Variants in CEP95 observed in about 807,000 individuals in gnomAD.
CEP95 encodes centrosomal protein 95.
A neutral mutation model predicts 111.2 loss-of-function variants in CEP95; 98 were observed. The ratio of observed to expected loss-of-function variants is 0.88; its 90% CI spans 0.75 to 1.04. The LOEUF (loss-of-function observed/expected upper bound fraction) is 1.04. Ranked by LOEUF, CEP95 falls within the 50% of genes least tolerant of loss-of-function variation. The probability of loss-of-function intolerance (pLI) is 0.00; values close to 1 mark genes in which losing one functional copy is unlikely to be tolerated. For synonymous variants in CEP95, 323 were observed against 327.1 expected (o/e 0.99, Z 0.14); for missense variants, 1,027 against 977.2 (o/e 1.05, Z -0.68).
chr17:64,529,617 TAAAA>T (rs1235426816), intron 12 of CEP95, among the ~76,000 whole-genome samples, 190 bp downstream of exon 12: 1 of 152,026 alleles, frequency 6.6e-6, no homozygotes, highest in Non-Finnish European at 1.5e-5. Flanking sequence ...ATGAAACTCT[TAAAA>T]AAAATAACCT....
At chr17:64,534,400 T>C (rs1968502555) in intron 16 of CEP95, 185 bp from the exon 17 acceptor site, 2 of 558,308 alleles carry the variant, frequency 3.6e-6, no homozygotes, top group South Asian at 4.1e-5. Flanking sequence ...GGGGTGTTAT[T>C]GGAGCTGCTC....
At chr17:64,513,525 C>G (rs782180500) in intron 3 of CEP95, among the ~76,000 whole-genome samples, 1 of 152,092 alleles carries the variant, frequency 6.6e-6, no homozygotes, top group Non-Finnish European at 1.5e-5. Flanking sequence ...GTGCTATGAT[C>G]TATGAGTGTA....
At chr17:64,506,822 GT>G (rs1159991494), upstream of CEP95, 51 of 583,866 alleles carry the variant, frequency 8.7e-5, 1 homozygote, top group South Asian at 9.6e-4. Flanking sequence ...TCCGACCCGC[GT>G]GTCTGATAAT....
intron 6 of CEP95, among the ~76,000 whole-genome samples, chr17:64,519,757 C>G (rs1967169721): frequency 6.6e-6 from 1 of 152,180 alleles, no homozygotes; most frequent in South Asian, 2.1e-4. Flanking sequence ...GTTTCCTGAA[C>G]TGGTGGTTGA....
At chr17:64,529,883 A>G (rs1015741402) in intron 12 of CEP95, among the ~76,000 whole-genome samples, 1 of 152,222 alleles carries the variant, frequency 6.6e-6, no homozygotes, top group Non-Finnish European at 1.5e-5. Context: ...TTTGAAATGT[A>G]GCATGGATTT....
intron 7 of CEP95, among the ~76,000 whole-genome samples, chr17:64,522,263 A>G (rs1255514222): frequency 2.0e-5 from 3 of 152,178 alleles, no homozygotes; most frequent in African/African-American, 7.2e-5. Flanking sequence ...CATAATTCAC[A>G]TAACATAACA....
At chr17:64,511,927 A>G (rs1214309279) in intron 3 of CEP95, among the ~76,000 whole-genome samples, 1 of 152,244 alleles carries the variant, frequency 6.6e-6, no homozygotes, top group African/African-American at 2.4e-5. Flanking sequence ...GACTTCTCGC[A>G]ACACCTGGCC....
intron 18 of CEP95, 113 bp from the exon 19 acceptor site, chr17:64,536,928 G>A: frequency 8.2e-7 from 1 of 1,223,448 alleles, no homozygotes; most frequent in Non-Finnish European, 1.1e-6. Context: ...CCATAGTACA[G>A]TATATTTCCC....
chr17:64,517,562 GAGAC>G (rs1966965479), intron 5 of CEP95, among the ~76,000 whole-genome samples: 1 of 151,792 alleles, frequency 6.6e-6, no homozygotes, highest in Non-Finnish European at 1.5e-5. Context: ...TTTTAATAAA[GAGAC>G]AGGGTCTTGC....
At chr17:64,514,992 A>G (rs2039066128) in intron 4 of CEP95, among the ~76,000 whole-genome samples, 1 of 147,770 alleles carries the variant, frequency 6.8e-6, no homozygotes, top group Non-Finnish European at 1.5e-5. Flanking sequence ...CTCATCCTCC[A>G]TTCTCACTTT....
chr17:64,519,096 A>C (rs1967107383), intron 5 of CEP95, among the ~76,000 whole-genome samples: 1 of 152,214 alleles, frequency 6.6e-6, no homozygotes, highest in Non-Finnish European at 1.5e-5. Context: ...CACACCCTAG[A>C]GTCACCAGTA....
rs373009981 is a variant in CEP95 at position 64,534,594 on chromosome 17, A to G, written c.1927A>G (p.Lys643Glu). 12 of 1,613,690 alleles carry G rather than the reference A, an allele frequency of 7.4e-6. No homozygotes were observed. The Admixed American group carries it at 8.3e-5, about 11-fold the overall frequency. The change falls in exon 17 of 20, where the codon AAG becomes GAG. Residue 643 changes from lysine to glutamate, a missense_variant. Coordinates refer to ENST00000556440, the MANE Select transcript of CEP95 (RefSeq NM_138363.3). ...YEHNKRLQDF[K>E]DCIRRQRLTQ... ...CCTTTCCCTTTCTTAGCAAGACTTC[A>G]AGGACTGCATTCGTAGGCAAAGGTT...
Position 64,523,105 on chromosome 17 carries a change from C to T in CEP95, c.909+210C>T, listed in dbSNP as rs1179486701. Reference sequence around the variant, plus strand: ...AAGCATCGTACTCCTTAAAATTTGCCTCTGTATACACCTGCACATTCTTGT... The same window carrying T: ...AAGCATCGTACTCCTTAAAATTTGCTTCTGTATACACCTGCACATTCTTGT... On this transcript the variant is annotated intron_variant, in intron 8 of 19. Transcript: ENST00000556440. 2.6e-5 allele frequency among the ~76,000 whole-genome samples: 4 copies of T among 152,142 alleles called. No individual in the cohort carries two copies. The South Asian group carries it at 8.3e-4, about 32-fold the overall frequency.
At position 64,531,960 on chromosome 17, in the gene CEP95, C is replaced by G; in HGVS notation, c.1610C>G (p.Ser537Cys). 1.2e-6 allele frequency: 2 copies of G among 1,611,092 alleles called. No homozygotes were observed. Among genetic ancestry groups the G allele is most frequent in the Non-Finnish European group, 8.5e-7 (1 of 1,179,094 alleles). The change falls in exon 14 of 20, where the codon TCT becomes TGT. Residue 537 changes from serine (S) to cysteine (C), a missense_variant. By Grantham distance (112) the Ser-to-Cys change is moderately radical. Coordinates refer to ENST00000556440, the MANE Select transcript of CEP95 (RefSeq NM_138363.3). ...TGTAGTCAGCCCTGGAAGATTTACT[C>G]TAGAAAAACCACAACGCAGAGTCTA... ...PECSQPWKIY[S>C]RKTTTQSLRG...
Position 64,521,457 on chromosome 17 carries a change from T to C in CEP95, c.645T>C (p.Ser215=). ...AAAAAGCCTTAGCCTCACCAAGTTC[T>C]AAATCACATGAAGATATGTTGTACC... The part of the protein sequence containing the change: ...LSKKALASPS[S]KSHEDMLYPP... The change falls in exon 7 of 20, where the codon TCT becomes TCC. Residue 215 remains serine (S), a synonymous_variant. Transcript: ENST00000556440. 6.2e-7 allele frequency: 1 copy of C among 1,612,726 alleles called. No homozygotes were observed. Among genetic ancestry groups the C allele is most frequent in the Non-Finnish European group, 8.5e-7 (1 of 1,178,828 alleles).
At chr17:64,507,580 T>C in intron 1 of CEP95, 1 of 1,024,538 alleles carries the variant, frequency 9.8e-7, no homozygotes, top group East Asian at 1.0e-4. Context: ...CTTTTTTCTC[T>C]TCAGTGCCCT....
chr17:64,529,841 C>T (rs1968135773), intron 12 of CEP95, among the ~76,000 whole-genome samples: 1 of 152,114 alleles, frequency 6.6e-6, no homozygotes, highest in Admixed American at 6.5e-5. Context: ...GGTATGATTA[C>T]CTAGGAAGAC....
At chr17:64,506,873 C>T (rs189616632), upstream of CEP95, 132 of 638,120 alleles carry the variant, frequency 2.1e-4, 1 homozygote, top group East Asian at 3.6e-3. Context: ...GGTCTCTAAA[C>T]TTCCCAAACC....
chr17:64,531,655 A>AT (rs1444037989), intron 13 of CEP95, among the ~76,000 whole-genome samples: 1 of 152,206 alleles, frequency 6.6e-6, no homozygotes, highest in African/African-American at 2.4e-5. Flanking sequence ...CTTGAAAAAG[A>AT]TTCAGTGCTT....
Sources: allele counts gnomAD v4.1 joint callset (sites outside exome capture counted in the v4.1 genomes callset), GRCh38; gene constraint gnomAD v4.1.1; transcripts MANE v1.5; gene names NCBI Gene and HGNC (gene_info 2026-07-23, HGNC 2026-07-21).